The following ATRNL1 variants were observed in gnomAD, a reference collection of about 807,000 sequenced individuals.
ATRNL1 encodes attractin like 1.
A neutral mutation model predicts 182.7 loss-of-function variants in ATRNL1; 95 were observed. The observed-to-expected ratio is 0.52, with a 90% CI of 0.44 to 0.62. The LOEUF is 0.62. Ranked by LOEUF, ATRNL1 falls within the 20% of genes least tolerant of loss-of-function variation. The probability of loss-of-function intolerance (pLI) is 0.00; values close to 1 mark genes in which losing one functional copy is unlikely to be tolerated. For missense variants in ATRNL1, 1,471 were observed against 1,679.5 expected (o/e 0.88, Z 2.17); for synonymous variants, 576 against 568.3 (o/e 1.01, Z -0.19).
At chr10:115,832,959 A>T (rs1315457409) in intron 27 of ATRNL1, among the ~76,000 whole-genome samples, 2 of 152,174 alleles carry the variant, frequency 1.3e-5, no homozygotes, top group African/African-American at 4.8e-5. Context: ...ATGGAAAATG[A>T]CCATCACAAG....
chr10:115,134,872 T>C (rs1845430926), intron 5 of ATRNL1, among the ~76,000 whole-genome samples: 1 of 152,208 alleles, frequency 6.6e-6, no homozygotes, highest in Non-Finnish European at 1.5e-5. Flanking sequence ...GATGCAAGGC[T>C]AGTTCAACAT....
rs1311524471 is a variant in ATRNL1, at chr10:115,360,699, T to C, written c.3175+26280T>C. Among the ~76,000 whole-genome samples, 8 of 151,808 alleles carry C rather than the reference T, an allele frequency of 5.3e-5. No individual in the cohort carries two copies. In the East Asian group the frequency reaches 1.5e-3, roughly 29 times the overall value. ...TATTTTACTTTAAGTTCCAGATACA[T>C]TTGCAGAATGTGGAGGAGGTTTGTT... is the stretch of plus-strand genomic sequence containing the variant. On this transcript the variant is annotated intron_variant, in intron 19 of 28. Transcript: ENST00000355044.
chr10:115,370,372 G>A (rs1345219402), intron 19 of ATRNL1, among the ~76,000 whole-genome samples: 1 of 152,316 alleles, frequency 6.6e-6, no homozygotes, highest in Non-Finnish European at 1.5e-5. Flanking sequence ...GAAGAAGACA[G>A]GGAAATGTGG....
intron 27 of ATRNL1, among the ~76,000 whole-genome samples, chr10:115,840,828 G>A (rs545865266): frequency 1.3e-5 from 2 of 152,062 alleles, no homozygotes; most frequent in South Asian, 2.1e-4. Flanking sequence ...AGAAGTCTAC[G>A]TGAATGGAGG....
chr10:115,465,804 A>G (rs1554970674), intron 22 of ATRNL1, among the ~76,000 whole-genome samples: 3 of 151,562 alleles, frequency 2.0e-5, no homozygotes, highest in Non-Finnish European at 4.4e-5. Flanking sequence ...ATGCATGACA[A>G]TCACTCAACC....
intron 26 of ATRNL1, chr10:115,597,568 C>CTT (rs71010036): frequency 1.3e-3 from 328 of 252,538 alleles, no homozygotes; most frequent in South Asian, 2.3e-3. Context: ...TTTATGGGAG[C>CTT]TTTTTTTTTT....
chr10:115,828,208 T>C (rs1950481476), intron 27 of ATRNL1, among the ~76,000 whole-genome samples: 1 of 151,932 alleles, frequency 6.6e-6, no homozygotes, highest in African/African-American at 2.4e-5. Flanking sequence ...TCCCAGCTAC[T>C]CAGGAGGCTG....
chr10:115,944,811 T>G lies in ATRNL1; in HGVS notation c.*32T>G. On this transcript the variant is annotated 3_prime_UTR_variant, in exon 29 of 29. Transcript: ENST00000355044. ...GAAACCGCTCCTGTATATTCTGTAC[T>G]GTTTTACTTCGGGCTTCTGTTAAAG... The G allele has an allele frequency of 6.3e-7, 1 of 1,597,370 alleles. No homozygotes were observed. Among genetic ancestry groups the G allele is most frequent in the Non-Finnish European group, 8.5e-7 (1 of 1,171,936 alleles).
intron 26 of ATRNL1, among the ~76,000 whole-genome samples, chr10:115,629,332 G>A (rs1555025687): frequency 6.6e-6 from 1 of 152,104 alleles, no homozygotes; most frequent in Non-Finnish European, 1.5e-5. Flanking sequence ...TTGAGTACGG[G>A]ATGTTATAGG....
rs149130619 is a variant in ATRNL1 at position 115,099,679 on chromosome 10, A to G, written c.293+5636A>G. Among the ~76,000 whole-genome samples the G allele has an allele frequency of 4.8e-3, 724 of 152,284 alleles. 4 individuals are homozygous for G. Among genetic ancestry groups the G allele is most frequent in the African/African-American group, 0.015 (637 of 41,558 alleles). On this transcript the variant is annotated intron_variant, in intron 1 of 28. Coordinates refer to ENST00000355044, the MANE Select transcript of ATRNL1 (RefSeq NM_207303.4). ...TTGGGTTTTAGTTTGCATTTCCCGAATTACTAATGATATTGAGTATCTTCT... is the reference window on the plus strand; with the variant it reads ...TTGGGTTTTAGTTTGCATTTCCCGAGTTACTAATGATATTGAGTATCTTCT...
chr10:115,491,950 G>A (rs1048460585), intron 24 of ATRNL1, among the ~76,000 whole-genome samples: 41 of 152,280 alleles, frequency 2.7e-4, no homozygotes, highest in African/African-American at 9.6e-4. Context: ...GGCCTGGAGT[G>A]CGCTGTTCCT....
intron 24 of ATRNL1, among the ~76,000 whole-genome samples, chr10:115,480,122 TAGA>T (rs1371961464): frequency 5.3e-5 from 8 of 151,092 alleles, no homozygotes; most frequent in South Asian, 2.1e-4. Flanking sequence ...CAGAACAAAA[TAGA>T]AGAAGAAGTG....
intron 21 of ATRNL1, among the ~76,000 whole-genome samples, chr10:115,443,188 T>A (rs986112187): frequency 1.1e-4 from 17 of 152,014 alleles, no homozygotes; most frequent in Non-Finnish European, 1.8e-4. Flanking sequence ...TTTTTGCATT[T>A]TTTTGGTGAT....
intron 28 of ATRNL1, among the ~76,000 whole-genome samples, chr10:115,868,166 T>C: frequency 6.6e-6 from 1 of 152,216 alleles, no homozygotes; most frequent in East Asian, 1.9e-4. Context: ...ATTCGAGTGA[T>C]ATGCATCTTA....
chr10:115,154,486 G>A (rs183541465), intron 5 of ATRNL1, among the ~76,000 whole-genome samples: 49 of 152,062 alleles, frequency 3.2e-4, no homozygotes, highest in Non-Finnish European at 6.3e-4. Flanking sequence ...ACCATTCTTC[G>A]AAGAAGAAAG....
At chr10:115,687,507 G>A (rs1204771531) in intron 26 of ATRNL1, among the ~76,000 whole-genome samples, 6 of 151,790 alleles carry the variant, frequency 4.0e-5, no homozygotes, top group African/African-American at 9.7e-5. Context: ...TTCTTTATCC[G>A]TTCAAATTTA....
intron 27 of ATRNL1, among the ~76,000 whole-genome samples, chr10:115,819,238 CT>C (rs34515687): frequency 0.48 from 73,312 of 151,610 alleles, 18,902 homozygotes; most frequent in East Asian, 0.76. Context: ...TTTAGTGTCC[CT>C]TTGGCATCTT....
chr10:115,311,618 C>G (rs1338336013), intron 17 of ATRNL1, among the ~76,000 whole-genome samples: 1 of 152,134 alleles, frequency 6.6e-6, no homozygotes, highest in Admixed American at 6.6e-5. Flanking sequence ...CTGTTAATAT[C>G]TGTTAAGTCC....
intron 19 of ATRNL1, among the ~76,000 whole-genome samples, chr10:115,371,817 G>A (rs1019834692): frequency 1.2e-4 from 18 of 152,110 alleles, no homozygotes; most frequent in African/African-American, 3.9e-4. Context: ...GGGGCCAGGG[G>A]CAGAATGTTA....
Sources: allele counts gnomAD v4.1 joint callset (sites outside exome capture counted in the v4.1 genomes callset), GRCh38; gene constraint gnomAD v4.1.1; transcripts MANE v1.5; gene names NCBI Gene and HGNC (gene_info 2026-07-23, HGNC 2026-07-21).